Variants in TRAPPC9 observed in about 807,000 individuals in gnomAD.
The protein encoded by TRAPPC9 is trafficking protein particle complex subunit 9.
TRAPPC9 carries 83 observed loss-of-function variants against 124.0 expected under a neutral mutation model. The observed-to-expected ratio is 0.67, with a 90% CI of 0.56 to 0.80. TRAPPC9 has a LOEUF of 0.80. Ranked by LOEUF, TRAPPC9 falls within the 30% of genes least tolerant of loss-of-function variation. The probability of loss-of-function intolerance (pLI) is 0.00; values close to 1 mark genes in which losing one functional copy is unlikely to be tolerated. For missense variants in TRAPPC9, 1,302 were observed against 1,508.3 expected (o/e 0.86, Z 2.27); for synonymous variants, 638 against 617.5 (o/e 1.03, Z -0.49).
chr8:140,007,136 A>C (rs1427938037), intron 18 of TRAPPC9, among the ~76,000 whole-genome samples: 1 of 152,222 alleles, frequency 6.6e-6, no homozygotes, highest in African/African-American at 2.4e-5. Context: ...ACCCACACGC[A>C]GTGCCATAGT....
In TRAPPC9 at chr8:140,087,502, G is replaced by A. The variant is rs1388058772; in HGVS notation, c.2557-63423C>T. ...CATGACTCGCCTGAAGAATATGGTT[G>A]TGTTTTCCCCACATTCTAATCCCCA... On this transcript the variant is annotated intron_variant, in intron 17 of 22. Coordinates refer to ENST00000438773, the MANE Select transcript of TRAPPC9 (RefSeq NM_001160372.4). The surrounding 1 kb of genome is among the most constrained non-coding windows in gnomAD (Gnocchi z 4.6). 6.6e-6 allele frequency among the ~76,000 whole-genome samples: 1 copy of A among 152,168 alleles called. No individual in the cohort carries two copies. The highest frequency in any genetic ancestry group is 2.4e-5 in the African/African-American group (1 of 41,446).
intron 11 of TRAPPC9, among the ~76,000 whole-genome samples, chr8:140,298,457 A>C (rs1365706494): frequency 6.6e-6 from 1 of 152,160 alleles, no homozygotes; most frequent in Non-Finnish European, 1.5e-5. Context: ...ATTCGAGACC[A>C]GCCTGGGCAA....
At chr8:139,993,036 G>A (rs1243399811) in intron 18 of TRAPPC9, among the ~76,000 whole-genome samples, 1 of 152,058 alleles carries the variant, frequency 6.6e-6, no homozygotes, top group Non-Finnish European at 1.5e-5. Context: ...AAATATAAGG[G>A]AAAAGAATAA....
At chr8:139,874,584 T>A (rs1057363411) in intron 21 of TRAPPC9, among the ~76,000 whole-genome samples, 6 of 152,108 alleles carry the variant, frequency 3.9e-5, no homozygotes, top group African/African-American at 1.4e-4. Flanking sequence ...GATAAGCCTA[T>A]GGGAGGCAGC....
intron 19 of TRAPPC9, among the ~76,000 whole-genome samples, chr8:139,977,585 T>C (rs1836567475): frequency 7.0e-6 from 1 of 141,900 alleles, no homozygotes; most frequent in Non-Finnish European, 1.5e-5. Flanking sequence ...GCCACTGCAC[T>C]CCAGCCTGGG....
intron 20 of TRAPPC9, among the ~76,000 whole-genome samples, chr8:139,892,630 C>T (rs1031052249): frequency 6.6e-6 from 1 of 152,214 alleles, no homozygotes; most frequent in Non-Finnish European, 1.5e-5. Flanking sequence ...GGAAACTGTA[C>T]AGTGTATTCC....
At chr8:140,385,376 G>A (rs916172326) in intron 7 of TRAPPC9, among the ~76,000 whole-genome samples, 1 of 151,928 alleles carries the variant, frequency 6.6e-6, no homozygotes, top group African/African-American at 2.4e-5. Flanking sequence ...AATGAATCCA[G>A]GAGCTGGTTT....
At chr8:139,902,331 A>G (rs1049664190) in intron 20 of TRAPPC9, among the ~76,000 whole-genome samples, 2 of 152,084 alleles carry the variant, frequency 1.3e-5, no homozygotes, top group African/African-American at 4.8e-5. Flanking sequence ...TGCCTCTCCC[A>G]CCTTACCCTC....
chr8:139,777,935 A>T (rs1821506077), intron 21 of TRAPPC9, among the ~76,000 whole-genome samples: 1 of 152,140 alleles, frequency 6.6e-6, no homozygotes, highest in Admixed American at 6.5e-5. Context: ...ATGCAGCTAG[A>T]GTTTACAGGA....
intron 13 of TRAPPC9, among the ~76,000 whole-genome samples, chr8:140,286,170 G>A (rs1033051578): frequency 2.2e-4 from 33 of 152,334 alleles, no homozygotes; most frequent in African/African-American, 6.7e-4. Context: ...ATAAGCACTC[G>A]ATGGGACACA....
chr8:140,057,048 C>A (rs1842325635), intron 17 of TRAPPC9, among the ~76,000 whole-genome samples: 1 of 152,122 alleles, frequency 6.6e-6, no homozygotes, highest in Admixed American at 6.5e-5. Context: ...AGAAACATTT[C>A]TCCAAAGAAG....
chr8:140,199,410 G>A (rs993461821), intron 17 of TRAPPC9, among the ~76,000 whole-genome samples: 1 of 152,044 alleles, frequency 6.6e-6, no homozygotes, highest in African/African-American at 2.4e-5. Flanking sequence ...ATTAACCAAC[G>A]TCACTGGAGG....
chr8:140,121,165 T>G (rs997463385), intron 17 of TRAPPC9, among the ~76,000 whole-genome samples: 1 of 152,114 alleles, frequency 6.6e-6, no homozygotes, highest in Admixed American at 6.5e-5. Context: ...GAAAGAAAAG[T>G]AGGAATTCAC....
At chr8:140,227,990 C>T (rs1400267481) in intron 16 of TRAPPC9, among the ~76,000 whole-genome samples, 1 of 152,222 alleles carries the variant, frequency 6.6e-6, no homozygotes, top group Non-Finnish European at 1.5e-5. Flanking sequence ...GAAAAGCTCA[C>T]CAGCCAAGGT....
rs553051286 is a variant in TRAPPC9, at chr8:140,200,700, G to A, written c.2556+20759C>T. Among the ~76,000 whole-genome samples the A allele has an allele frequency of 3.1e-4, 47 of 152,208 alleles. No individual in the cohort carries two copies. In the South Asian group the frequency reaches 3.7e-3, roughly 12 times the overall value. ...AAGGAGAGACAAGCCATCATAAACC[G>A]GAAGACACTAAGAAGACCCGGAGGA... On this transcript the variant is annotated intron_variant, in intron 17 of 22. Transcript: ENST00000438773.
chr8:139,855,692 A>G (rs565304063), intron 21 of TRAPPC9, among the ~76,000 whole-genome samples: 5 of 152,142 alleles, frequency 3.3e-5, no homozygotes, highest in Non-Finnish European at 7.4e-5. Context: ...GAAAAGCCCT[A>G]CCAAGGTGGG....
chr8:139,958,481 T>C (rs1044191006), intron 19 of TRAPPC9, among the ~76,000 whole-genome samples: 1 of 152,236 alleles, frequency 6.6e-6, no homozygotes, highest in African/African-American at 2.4e-5. Flanking sequence ...CATTTGCGTC[T>C]GTGCCTGCTC....
chr8:139,761,595 C>G (rs1307655254), intron 21 of TRAPPC9, among the ~76,000 whole-genome samples: 1 of 152,058 alleles, frequency 6.6e-6, no homozygotes, highest in African/African-American at 2.4e-5. Flanking sequence ...TGGGACCCAA[C>G]CCCTCAGCAC....
chr8:140,284,217 A>G (rs993649802), intron 13 of TRAPPC9, among the ~76,000 whole-genome samples, 196 bp from the exon 14 acceptor site: 1 of 152,214 alleles, frequency 6.6e-6, no homozygotes, highest in African/African-American at 2.4e-5. Flanking sequence ...GATGGGGAGG[A>G]TAACAGCATC....
Sources: gnomAD v4.1 joint callset for allele counts (sites outside exome capture counted in the v4.1 genomes callset) on GRCh38, gnomAD v4.1.1 for gene constraint, Gnocchi (gnomAD v3.1) non-coding constraint, MANE v1.5 for transcripts, NCBI Gene and HGNC (gene_info 2026-07-23, HGNC 2026-07-21) for gene names.